Variants in SLC12A8 observed in about 807,000 individuals in gnomAD.
SLC12A8 encodes the protein solute carrier family 12 member 8, also known as cation-chloride cotransporter 9.
Under a neutral mutation model 75.6 loss-of-function variants are expected in SLC12A8, and 69 were observed. The observed-to-expected ratio is 0.91, with a 90% CI of 0.75 to 1.11. The LOEUF is 1.11. Among genes scored for constraint, SLC12A8 ranks in the 50% most tolerant of loss-of-function variants. The pLI is 0.00. For synonymous variants in SLC12A8, 365 were observed against 372.8 expected, an observed-to-expected ratio of 0.98 and a Z score of 0.24; for missense variants, 877 against 896.7, an observed-to-expected ratio of 0.98 and a Z score of 0.28.
At chr3:125,176,700 T>C (rs1055847692) in intron 5 of SLC12A8, among the ~76,000 whole-genome samples, 2 of 151,760 alleles carry the variant, frequency 1.3e-5, no homozygotes, top group Non-Finnish European at 2.9e-5. Flanking sequence ...AAGACATTTA[T>C]GCAGCCAAAA....
intron 4 of SLC12A8, among the ~76,000 whole-genome samples, chr3:125,181,170 A>C (rs942419314): frequency 6.6e-6 from 1 of 152,258 alleles, no homozygotes; most frequent in Non-Finnish European, 1.5e-5. Flanking sequence ...TGCCAAAGTC[A>C]AAAGAAATGA....
chr3:125,120,949 G>A, intron 6 of SLC12A8: 7 of 675,966 alleles, frequency 1.0e-5, no homozygotes, highest in Middle Eastern at 3.8e-4. Flanking sequence ...CTACCGCTCA[G>A]CGCAAAGCAA....
intron 10 of SLC12A8, among the ~76,000 whole-genome samples, chr3:125,097,528 TTG>T (rs147038912): frequency 0.051 from 7,107 of 139,096 alleles, 440 homozygotes; most frequent in African/African-American, 0.16. Context: ...CTAAAGGGAA[TTG>T]TGTGTGTGTG....
At chr3:125,108,633 T>C (rs1252190974) in intron 9 of SLC12A8, among the ~76,000 whole-genome samples, 1 of 152,066 alleles carries the variant, frequency 6.6e-6, no homozygotes, top group Non-Finnish European at 1.5e-5. Flanking sequence ...CCTACCAGAG[T>C]GTTAGGATTA....
In SLC12A8 at chr3:125,091,506, C is replaced by T. The variant is rs773717671; in HGVS notation, c.1854G>A (p.Leu618=). 1.9e-6 allele frequency: 3 copies of T among 1,613,980 alleles called. No homozygotes were observed. The South Asian group carries it at 3.3e-5, about 18-fold the overall frequency. The change falls in exon 12 of 14, where the codon CTG becomes CTA. Residue 618 remains leucine, a synonymous_variant. Transcript: ENST00000469902. ...IMFVIQWVYT[L]VNMGVAAIVY... ...CGATGGCAGCAACACCCATGTTAAC[C>T]AGGGTATACACCCACTGTATCACAA...
At chr3:125,172,688 C>T (rs552303505) in intron 5 of SLC12A8, among the ~76,000 whole-genome samples, 14 of 152,284 alleles carry the variant, frequency 9.2e-5, no homozygotes, top group African/African-American at 2.6e-4. Flanking sequence ...ATAACTAATA[C>T]GTGGACCAAT....
At chr3:125,110,433 A>G in intron 8 of SLC12A8, 98 bp from the exon 9 acceptor site, 1 of 1,225,396 alleles carries the variant, frequency 8.2e-7, no homozygotes, top group Non-Finnish European at 1.1e-6. Context: ...GCAATCATCC[A>G]CTGAGTCGTC....
At chr3:125,184,033 C>A (rs7612031) in intron 4 of SLC12A8, among the ~76,000 whole-genome samples, 1 of 151,876 alleles carries the variant, frequency 6.6e-6, no homozygotes, top group Non-Finnish European at 1.5e-5. Flanking sequence ...AGTGCAGTGG[C>A]GCATTCTCAG....
At chr3:125,179,091 C>G (rs565792794) in intron 4 of SLC12A8, among the ~76,000 whole-genome samples, 62 of 152,186 alleles carry the variant, frequency 4.1e-4, no homozygotes, top group Non-Finnish European at 9.0e-4. Context: ...CCAGGGCCAG[C>G]TGGTCACTCT....
intron 5 of SLC12A8, among the ~76,000 whole-genome samples, chr3:125,170,666 G>C (rs1170184075): frequency 1.3e-5 from 2 of 152,232 alleles, no homozygotes; most frequent in Non-Finnish European, 2.9e-5. Flanking sequence ...TGTAATCCCA[G>C]CACTTTGGGA....
intron 10 of SLC12A8, among the ~76,000 whole-genome samples, chr3:125,094,804 ACTAAAACTAC>A (rs1938672934): frequency 6.6e-6 from 1 of 152,042 alleles, no homozygotes; most frequent in Non-Finnish European, 1.5e-5. Flanking sequence ...CTACTTTTCC[ACTAAAACTAC>A]TCTTACCAAA....
chr3:125,100,736 G>A (rs566266666), intron 10 of SLC12A8, among the ~76,000 whole-genome samples: 72 of 150,630 alleles, frequency 4.8e-4, no homozygotes, highest in African/African-American at 1.1e-3. Context: ...GATTTAGGCC[G>A]GGCGCGGTGG....
intron 3 of SLC12A8, among the ~76,000 whole-genome samples, chr3:125,187,783 C>T (rs577217267): frequency 4.7e-5 from 7 of 150,368 alleles, no homozygotes; most frequent in Non-Finnish European, 8.9e-5. Context: ...GCTGATTCCC[C>T]TGCCTGGAAG....
At chr3:125,193,293 C>A (rs1934942302) in intron 2 of SLC12A8, among the ~76,000 whole-genome samples, 1 of 152,156 alleles carries the variant, frequency 6.6e-6, no homozygotes, top group African/African-American at 2.4e-5. Flanking sequence ...TCACTTGAAC[C>A]TGGGAGGCTG....
chr3:125,083,827 G>T lies in SLC12A8; in HGVS notation c.*63C>A. ...AGGTTGGAGAAGCAGCTCCACGAAG[G>T]TCCTGAGCTTGGGTCCACTGTACAT... On this transcript the variant is annotated 3_prime_UTR_variant, in exon 14 of 14. Coordinates refer to ENST00000469902, the MANE Select transcript of SLC12A8 (RefSeq NM_024628.6). The T allele has an allele frequency of 6.6e-7, 1 of 1,521,080 alleles. No homozygotes were observed. The highest frequency in any genetic ancestry group is 8.9e-7 in the Non-Finnish European group (1 of 1,118,162). 94.2% of individuals were successfully genotyped at this position (1,521,080 alleles called of 1,614,324 possible).
intron 5 of SLC12A8, among the ~76,000 whole-genome samples, chr3:125,176,463 A>G (rs1934529849): frequency 1.3e-5 from 2 of 152,236 alleles, no homozygotes; most frequent in South Asian, 4.1e-4. Context: ...ACAAAAGCCA[A>G]AATTGACAAA....
intron 5 of SLC12A8, among the ~76,000 whole-genome samples, chr3:125,147,073 C>T (rs1216725296): frequency 3.3e-5 from 5 of 152,194 alleles, no homozygotes; most frequent in African/African-American, 9.7e-5. Flanking sequence ...GCAGCAAAGC[C>T]GTCAAGAAAC....
intron 13 of SLC12A8, among the ~76,000 whole-genome samples, chr3:125,085,410 G>A (rs1211772556): frequency 6.6e-6 from 1 of 152,106 alleles, no homozygotes; most frequent in Non-Finnish European, 1.5e-5. Flanking sequence ...GGGAATTGTA[G>A]GCATAACAGA....
chr3:125,169,194 GA>G (rs1188287761), intron 5 of SLC12A8, among the ~76,000 whole-genome samples: 2 of 152,214 alleles, frequency 1.3e-5, no homozygotes, highest in African/African-American at 4.8e-5. Flanking sequence ...TTACATAAAT[GA>G]AAATATGAGC....
Sources: gnomAD v4.1 joint callset for allele counts (sites outside exome capture counted in the v4.1 genomes callset) on GRCh38, gnomAD v4.1.1 for gene constraint, MANE v1.5 for transcripts, NCBI Gene and HGNC (gene_info 2026-07-23, HGNC 2026-07-21) for gene names.